WWOX: variants seen among roughly 807,000 people sequenced by gnomAD.
The protein encoded by WWOX is WW domain containing oxidoreductase, also known as WW domain-containing oxidoreductase.
A neutral mutation model predicts 46.2 loss-of-function variants in WWOX; 69 were observed. The ratio of observed to expected loss-of-function variants is 1.49; its 90% CI spans 1.23 to 1.82. The LOEUF is 1.82. WWOX is among the 40% of genes most tolerant of loss of function. The pLI, the probability that WWOX is intolerant of heterozygous loss-of-function variation, is 0.00. For missense variants in WWOX, 919 were observed against 542.6 expected (o/e 1.69, Z -6.89); for synonymous variants, 359 against 202.6 (o/e 1.77, Z -6.56).
At chr16:78,287,555 CT>C (rs578234752) in intron 5 of WWOX, among the ~76,000 whole-genome samples, 6 of 151,320 alleles carry the variant, frequency 4.0e-5, no homozygotes, top group South Asian at 2.1e-4. Flanking sequence ...ACGATTATTG[CT>C]TTTTTTTTCC....
chr16:78,410,564 C>A (rs1260952997), intron 6 of WWOX, among the ~76,000 whole-genome samples: 1 of 151,946 alleles, frequency 6.6e-6, no homozygotes, highest in Non-Finnish European at 1.5e-5. Context: ...TATCACAGCA[C>A]TTTGGGAGGT....
chr16:78,922,532 C>G (rs546870499), intron 8 of WWOX, among the ~76,000 whole-genome samples: 1 of 152,042 alleles, frequency 6.6e-6, no homozygotes, highest in Non-Finnish European at 1.5e-5. Flanking sequence ...GCATGCACAA[C>G]AACACCCAGC....
At chr16:78,639,022 A>G (rs952916324) in intron 8 of WWOX, among the ~76,000 whole-genome samples, 2 of 152,084 alleles carry the variant, frequency 1.3e-5, no homozygotes, top group African/African-American at 4.8e-5. Flanking sequence ...TTCCTTTATA[A>G]TCTTTTACCC....
chr16:78,744,290 G>A (rs895516686), intron 8 of WWOX, among the ~76,000 whole-genome samples: 1 of 152,062 alleles, frequency 6.6e-6, no homozygotes, highest in African/African-American at 2.4e-5. Context: ...GGCTATAACT[G>A]CAAGGTGTGT....
intron 8 of WWOX, among the ~76,000 whole-genome samples, chr16:78,595,820 T>C (rs1001954550): frequency 6.6e-5 from 10 of 152,390 alleles, no homozygotes; most frequent in South Asian, 2.1e-4. Context: ...CTTTTTGAAC[T>C]GTTCTGAAAT....
chr16:78,641,584 A>G (rs139260517), intron 8 of WWOX, among the ~76,000 whole-genome samples: 6 of 152,312 alleles, frequency 3.9e-5, no homozygotes, highest in Admixed American at 3.3e-4. Flanking sequence ...GGTAGAAGGA[A>G]GGGAAACATG....
chr16:79,164,439 G>T (rs2050551526), intron 8 of WWOX, among the ~76,000 whole-genome samples: 1 of 152,112 alleles, frequency 6.6e-6, no homozygotes, highest in South Asian at 2.1e-4. Flanking sequence ...TGACTTTGAG[G>T]TCCTCATTAT....
intron 8 of WWOX, among the ~76,000 whole-genome samples, chr16:78,657,065 A>G (rs183454941): frequency 6.6e-6 from 1 of 152,246 alleles, no homozygotes; most frequent in African/African-American, 2.4e-5. Flanking sequence ...CTTTCTGGCT[A>G]ATTGAGTGGT....
intron 8 of WWOX, among the ~76,000 whole-genome samples, chr16:78,775,802 C>G (rs1346132954): frequency 6.6e-6 from 1 of 152,098 alleles, no homozygotes; most frequent in Non-Finnish European, 1.5e-5. Context: ...GGCTTTTGGC[C>G]CACTACTTTC....
At chr16:78,106,248 G>T (rs543659437) in intron 1 of WWOX, among the ~76,000 whole-genome samples, 2 of 152,298 alleles carry the variant, frequency 1.3e-5, no homozygotes, top group Admixed American at 1.3e-4. Flanking sequence ...TTGAGACACA[G>T]CTCTGCAAGG....
intron 5 of WWOX, among the ~76,000 whole-genome samples, chr16:78,210,367 T>C (rs2036521756): frequency 6.6e-6 from 1 of 152,128 alleles, no homozygotes; most frequent in African/African-American, 2.4e-5. Context: ...AGACTGTCAG[T>C]TTGCTTTGGA....
intron 8 of WWOX, among the ~76,000 whole-genome samples, chr16:79,121,303 A>T (rs2049626224): frequency 1.3e-5 from 2 of 152,192 alleles, no homozygotes; most frequent in South Asian, 4.1e-4. Context: ...GCATTTGTGA[A>T]AACTCGCTCA....
intron 8 of WWOX, among the ~76,000 whole-genome samples, chr16:79,181,423 A>C (rs1283593078): frequency 6.6e-6 from 1 of 152,150 alleles, no homozygotes; most frequent in Non-Finnish European, 1.5e-5. Context: ...ATGTTATTAT[A>C]TACTGCTGGT....
intron 8 of WWOX, among the ~76,000 whole-genome samples, chr16:78,664,515 C>A (rs1319595441): frequency 6.6e-6 from 1 of 152,208 alleles, no homozygotes; most frequent in Non-Finnish European, 1.5e-5. Flanking sequence ...TCCCCTCTCA[C>A]TAGCAGGGAT....
At position 78,263,996 on chromosome 16, in the gene WWOX, CTTT is replaced by C. The variant is rs757195574; in HGVS notation, c.516+99724_516+99726del. On this transcript the variant is annotated intron_variant, in intron 5 of 8. Coordinates refer to ENST00000566780, the MANE Select transcript of WWOX (RefSeq NM_016373.4). ...AGAAATATGTGTTTGGCTGTGAAAT[CTTT>C]TTTTTTTTTTTTTTTTGTTTTTTTG... is the stretch of plus-strand genomic sequence containing the variant. 3.8e-5 allele frequency among the ~76,000 whole-genome samples: 3 copies of C among 78,810 alleles called. 1 individual carries two copies. Among genetic ancestry groups the C allele is most frequent in the Admixed American group, 1.5e-4 (1 of 6,508 alleles). 51.7% of individuals were successfully genotyped at this position (78,810 alleles called of 152,430 possible).
At chr16:78,251,839 A>G (rs574438337) in intron 5 of WWOX, among the ~76,000 whole-genome samples, 41 of 152,338 alleles carry the variant, frequency 2.7e-4, no homozygotes, top group African/African-American at 9.6e-4. Flanking sequence ...AAGAAGTTGG[A>G]AATTAATGGG....
At chr16:78,636,080 C>T (rs1001566669) in intron 8 of WWOX, among the ~76,000 whole-genome samples, 2 of 152,170 alleles carry the variant, frequency 1.3e-5, no homozygotes, top group Non-Finnish European at 2.9e-5. Flanking sequence ...GAGACATCTG[C>T]ACTCTAGTAG....
intron 8 of WWOX, chr16:78,534,297 C>T (rs1334877734): frequency 6.6e-6 from 1 of 152,134 alleles, no homozygotes; most frequent in African/African-American, 2.4e-5. Flanking sequence ...AATCAGCTTG[C>T]CCAGTGCTTG....
At chr16:79,094,947 A>G (rs1034367031) in intron 8 of WWOX, among the ~76,000 whole-genome samples, 11 of 152,070 alleles carry the variant, frequency 7.2e-5, no homozygotes, top group African/African-American at 2.4e-4. Flanking sequence ...GGATTTGCCA[A>G]TCGCCTGGTC....
Sources: gnomAD v4.1 joint callset for allele counts (sites outside exome capture counted in the v4.1 genomes callset) on GRCh38, gnomAD v4.1.1 for gene constraint, MANE v1.5 for transcripts, NCBI Gene and HGNC (gene_info 2026-07-23, HGNC 2026-07-21) for gene names.